SNX4: variants seen among roughly 807,000 people sequenced by gnomAD.
SNX4 encodes the protein sorting nexin-4.
Under a neutral mutation model 70.8 loss-of-function variants are expected in SNX4, and 49 were observed. That is an observed-to-expected ratio of 0.69 (90% CI 0.55 to 0.88). SNX4 has a LOEUF of 0.88. Ranked by LOEUF, SNX4 falls within the 40% of genes least tolerant of loss-of-function variation. The probability of loss-of-function intolerance (pLI) is 0.00; values close to 1 mark genes in which losing one functional copy is unlikely to be tolerated. For missense variants in SNX4, 528 were observed against 544.8 expected, an observed-to-expected ratio of 0.97 and a Z score of 0.31; for synonymous variants, 206 against 183.8, an observed-to-expected ratio of 1.12 and a Z score of -0.98.
intron 8 of SNX4, among the ~76,000 whole-genome samples, chr3:125,475,875 G>A (rs950654521): frequency 1.3e-5 from 2 of 152,092 alleles, no homozygotes; most frequent in Non-Finnish European, 2.9e-5. Context: ...CTACTTGGGA[G>A]GCTGAAGCAG....
intron 6 of SNX4, among the ~76,000 whole-genome samples, chr3:125,480,605 C>G (rs1934388472): frequency 2.0e-5 from 3 of 152,016 alleles, no homozygotes; most frequent in Non-Finnish European, 4.4e-5. Flanking sequence ...AAATACAAAA[C>G]AGGAAAAACT....
At position 125,520,118 on chromosome 3, in the gene SNX4, G is replaced by T. The variant is rs1054264738; in HGVS notation, c.55C>A (p.Pro19Thr). The T allele has an allele frequency of 6.7e-7, 1 of 1,482,022 alleles. No individual in the cohort carries two copies. The highest frequency in any genetic ancestry group is 8.9e-7 in the Non-Finnish European group (1 of 1,121,886). 91.8% of individuals were successfully genotyped at this position (1,482,022 alleles called of 1,614,324 possible). The change falls in exon 1 of 14, where the codon CCG becomes ACG. Residue 19 changes from proline to threonine, a missense_variant. Around this residue, in one of 3 missense-constraint regions of SNX4, gnomAD observed 341 missense variants for 312.2 expected, o/e 1.09. Transcript: ENST00000251775. ...AGCCCAGCGTCTGGGGAGCCCAGCGGCTCCAAGGGCGCCGGCTGGAGCTGC... is the reference window on the plus strand; with the variant it reads ...AGCCCAGCGTCTGGGGAGCCCAGCGTCTCCAAGGGCGCCGGCTGGAGCTGC... ...ERQLQPAPLE[P>T]LGSPDAGLGA...
chr3:125,481,535 G>A (rs1020751238), intron 6 of SNX4, among the ~76,000 whole-genome samples: 1 of 147,340 alleles, frequency 6.8e-6, no homozygotes. Flanking sequence ...CACAACCTCC[G>A]CCTCCCGAGT....
intron 6 of SNX4, among the ~76,000 whole-genome samples, chr3:125,485,863 C>T (rs769415965): frequency 2.6e-5 from 4 of 152,036 alleles, no homozygotes; most frequent in Non-Finnish European, 4.4e-5. Context: ...TTTTTTGAGA[C>T]GGAGTCTTGC....
chr3:125,475,656 C>T (rs144984977), intron 8 of SNX4, among the ~76,000 whole-genome samples: 2,702 of 152,264 alleles, frequency 0.018, 86 homozygotes, highest in African/African-American at 0.062. Flanking sequence ...TGAGCCACCA[C>T]GCCTGGCTGA....
intron 10 of SNX4, among the ~76,000 whole-genome samples, chr3:125,457,927 G>A (rs113333435): frequency 3.3e-5 from 5 of 151,746 alleles, no homozygotes; most frequent in Non-Finnish European, 7.4e-5. Flanking sequence ...CCATATACTT[G>A]GAACATTTCT....
chr3:125,458,814 C>CAAAAAAAAAAAAAAAAAA (rs71148180), intron 10 of SNX4, among the ~76,000 whole-genome samples: 8 of 64,530 alleles, frequency 1.2e-4, no homozygotes, highest in South Asian at 8.5e-4. Flanking sequence ...GACTCCGTCT[C>CAAAAAAAAAAAAAAAAAA]AAAAAAAAAA....
At chr3:125,508,512 A>G (rs1238266991) in intron 1 of SNX4, among the ~76,000 whole-genome samples, 1 of 151,462 alleles carries the variant, frequency 6.6e-6, no homozygotes, top group Admixed American at 6.6e-5. Context: ...GCTTGCAGTG[A>G]GCCGAGATCG....
intron 5 of SNX4, among the ~76,000 whole-genome samples, chr3:125,494,036 CAA>C (rs61235927): frequency 5.3e-4 from 67 of 125,916 alleles, no homozygotes; most frequent in Admixed American, 6.6e-4. Context: ...GACTCCATCT[CAA>C]AAAAAAAAAA....
intron 1 of SNX4, among the ~76,000 whole-genome samples, chr3:125,517,462 A>G (rs1294735645): frequency 2.0e-5 from 3 of 152,230 alleles, no homozygotes. Flanking sequence ...GTAATTTTCA[A>G]CTGAAGACAG....
At chr3:125,473,382 C>T (rs1171985766) in intron 8 of SNX4, among the ~76,000 whole-genome samples, 3 of 152,078 alleles carry the variant, frequency 2.0e-5, no homozygotes, top group South Asian at 2.1e-4. Context: ...GATGTACTTA[C>T]CCATTTTCCC....
At chr3:125,512,227 T>C (rs1262813767) in intron 1 of SNX4, among the ~76,000 whole-genome samples, 1 of 152,194 alleles carries the variant, frequency 6.6e-6, no homozygotes, top group African/African-American at 2.4e-5. Flanking sequence ...GTATTAATAA[T>C]ACATTCTGGC....
At chr3:125,516,230 C>G (rs1479097336) in intron 1 of SNX4, among the ~76,000 whole-genome samples, 2 of 152,192 alleles carry the variant, frequency 1.3e-5, no homozygotes, top group African/African-American at 4.8e-5. Context: ...TGTCTGTTAA[C>G]TGCCAACTCA....
Position 125,460,877 on chromosome 3 carries a change from A to C in SNX4, c.855-17T>G, listed in dbSNP as rs531135082. Reference sequence around the variant, plus strand: ...GATGCATACCTGTTTTAAAAAAAAAAACACACATTGCATAGAGTTACTTTC... The same window carrying C: ...GATGCATACCTGTTTTAAAAAAAAACACACACATTGCATAGAGTTACTTTC... On this transcript the variant is annotated splice_polypyrimidine_tract_variant and intron_variant, in intron 9 of 13. Transcript: ENST00000251775. 1.5e-5 allele frequency: 18 copies of C among 1,229,844 alleles called. No homozygotes were observed. The highest frequency in any genetic ancestry group is 5.7e-5 in the South Asian group (4 of 70,170). The allele number at this position is 1,229,844 out of a possible 1,614,324, so 76.2% of individuals were successfully genotyped here. A position where few individuals can be genotyped will look rare whatever the true frequency, so the allele number is the denominator to read the frequency against.
intron 6 of SNX4, among the ~76,000 whole-genome samples, chr3:125,484,909 T>C (rs1934487954): frequency 6.6e-6 from 1 of 151,820 alleles, no homozygotes; most frequent in African/African-American, 2.4e-5. Context: ...TTACTAAAAA[T>C]ACAAAAATTA....
chr3:125,497,783 G>C, intron 4 of SNX4, 51 bp downstream of exon 4: 1 of 1,326,238 alleles, frequency 7.5e-7, no homozygotes, highest in Non-Finnish European at 1.0e-6. Context: ...ATTTTTTTAA[G>C]AAACCCAAAT....
intron 1 of SNX4, among the ~76,000 whole-genome samples, chr3:125,511,865 G>A (rs531454417): frequency 3.0e-4 from 45 of 152,250 alleles, no homozygotes; most frequent in Admixed American, 2.8e-3. Context: ...TATAAGGTCT[G>A]AAAGAGGTCT....
At chr3:125,471,315 G>C (rs1934164231) in intron 8 of SNX4, among the ~76,000 whole-genome samples, 1 of 93,488 alleles carries the variant, frequency 1.1e-5, no homozygotes. Flanking sequence ...TTGCACTCCA[G>C]TGTGGGCAAC....
rs1005487708 is a variant in SNX4, at chr3:125,472,730, A to G, written c.789-3211T>C. On this transcript the variant is annotated intron_variant, in intron 8 of 13. Transcript: ENST00000251775. ...CCTCCCTCCAATCCCCCAAAAGAGA[A>G]TTCTCTGCACTGTTTGAGACAGACT... Among the ~76,000 whole-genome samples the G allele has an allele frequency of 4.6e-5, 7 of 151,992 alleles. No individual in the cohort carries two copies. The South Asian group carries it at 1.5e-3, about 32-fold the overall frequency.
Sources: gnomAD v4.1 joint callset for allele counts (sites outside exome capture counted in the v4.1 genomes callset) on GRCh38, gnomAD v4.1.1 for gene constraint, gnomAD v4.1.1 regional missense constraint, MANE v1.5 for transcripts, NCBI Gene and HGNC (gene_info 2026-07-23, HGNC 2026-07-21) for gene names.